The following PSMA3 variants were observed in gnomAD, a reference collection of about 807,000 sequenced individuals.
PSMA3 encodes proteasome 20S subunit alpha 3, also known as proteasome subunit alpha type-3.
PSMA3 carries 8 observed loss-of-function variants against 40.0 expected under a neutral mutation model. The ratio of observed to expected loss-of-function variants is 0.20; its 90% CI spans 0.12 to 0.36. The LOEUF (loss-of-function observed/expected upper bound fraction) is 0.36. Ranked by LOEUF, PSMA3 falls within the 10% of genes least tolerant of loss-of-function variation. PSMA3 has a pLI of 1.00. For synonymous variants in PSMA3, 110 were observed against 100.0 expected (o/e 1.10, Z -0.59); for missense variants, 219 against 310.6 (o/e 0.70, Z 2.22).
chr14:58,257,426 A>T (rs1890169917), intron 3 of PSMA3, among the ~76,000 whole-genome samples: 1 of 152,020 alleles, frequency 6.6e-6, no homozygotes, highest in African/African-American at 2.4e-5. Flanking sequence ...TGAACCCAGG[A>T]GGCAGAGTGT....
At chr14:58,261,716 TCCTA>T (rs1266080959) in intron 6 of PSMA3, among the ~76,000 whole-genome samples, 2 of 151,998 alleles carry the variant, frequency 1.3e-5, no homozygotes, top group Non-Finnish European at 2.9e-5. Flanking sequence ...CAGGCGATCC[TCCTA>T]CCTAAGCCTC....
At chr14:58,268,913 T>C (rs1416878317) in intron 8 of PSMA3, 2 of 152,174 alleles carry the variant, frequency 1.3e-5, no homozygotes, top group East Asian at 3.9e-4. Context: ...GATAAAGCTA[T>C]ACTCTGCTAC....
chr14:58,257,915 C>T lies in PSMA3; in HGVS notation c.331-10C>T, dbSNP rs1382079466. ...AGTTTATTAATAAGCTCTTCTGCTT[C>T]CCTCCATAGCATCTTGCAGACAGAG... On this transcript the variant is annotated splice_polypyrimidine_tract_variant and intron_variant, in intron 4 of 10. Coordinates refer to ENST00000216455, the MANE Select transcript of PSMA3 (RefSeq NM_002788.4). 1.2e-6 allele frequency: 2 copies of T among 1,613,316 alleles called. No homozygotes were observed. Among genetic ancestry groups the T allele is most frequent in the Non-Finnish European group, 8.5e-7 (1 of 1,179,314 alleles).
At chr14:58,267,641 G>A in intron 8 of PSMA3, 121 bp downstream of exon 8, 34 of 1,269,858 alleles carry the variant, frequency 2.7e-5, no homozygotes, top group South Asian at 1.1e-4. Flanking sequence ...ATTTTTAGAA[G>A]GTAAATTTAA....
Position 58,244,883 on chromosome 14 carries a change from G to A in PSMA3, c.-38G>A, listed in dbSNP as rs200837709. On this transcript the variant is annotated 5_prime_UTR_variant, in exon 1 of 11. Coordinates refer to ENST00000216455, the MANE Select transcript of PSMA3 (RefSeq NM_002788.4). ...CCTGTGGTATAGGGGAAGCGCTCCG[G>A]GCCTGGAATCCCTACGCGTCCCTTT... The A allele has an allele frequency of 1.5e-4, 246 of 1,614,196 alleles. No homozygotes were observed. Among genetic ancestry groups the A allele is most frequent in the South Asian group, 8.8e-5 (8 of 91,084 alleles).
In PSMA3 at chr14:58,261,031, T is replaced by C. The variant is rs201089749; in HGVS notation, c.477+11T>C. The C allele has an allele frequency of 9.5e-5, 148 of 1,561,130 alleles. No individual in the cohort carries two copies. Among genetic ancestry groups the C allele is most frequent in the Non-Finnish European group, 3.4e-5 (38 of 1,133,284 alleles). Reference sequence around the variant, plus strand: ...TCAGGTGTTTCATACGTGAGTAATTTTGAATCATTTGAAATTCTATTTTAG... The same window carrying C: ...TCAGGTGTTTCATACGTGAGTAATTCTGAATCATTTGAAATTCTATTTTAG... On this transcript the variant is annotated intron_variant, in intron 6 of 10. Transcript: ENST00000216455.
At chr14:58,247,590 C>T (rs1045384863) in intron 1 of PSMA3, among the ~76,000 whole-genome samples, 160 bp from the exon 2 acceptor site, 1 of 152,188 alleles carries the variant, frequency 6.6e-6, no homozygotes, top group African/African-American at 2.4e-5. Flanking sequence ...TTTATCTTAG[C>T]TACTGTTGCT....
chr14:58,271,954 A>G lies in PSMA3; in HGVS notation c.*59A>G. ...CTACTCCAGTCCAATGTAACTATTT[A>G]GCCCTGGATTATACATACTGTCCAA... On this transcript the variant is annotated 3_prime_UTR_variant, in exon 11 of 11. Coordinates refer to ENST00000216455, the MANE Select transcript of PSMA3 (RefSeq NM_002788.4). 7.8e-7 allele frequency: 1 copy of G among 1,283,762 alleles called. No individual in the cohort carries two copies. The highest frequency in any genetic ancestry group is 1.1e-6 in the Non-Finnish European group (1 of 888,796). 79.5% of individuals were successfully genotyped at this position (1,283,762 alleles called of 1,614,324 possible).
chr14:58,264,990 G>A (rs1890394203), intron 7 of PSMA3: 3 of 152,148 alleles, frequency 2.0e-5, no homozygotes, highest in Non-Finnish European at 2.9e-5. Flanking sequence ...GTCAGTTGAG[G>A]GGGATTACCC....
rs561937786 is a variant in PSMA3 at position 58,263,881 on chromosome 14, G to C, written c.543+111G>C. 1.8e-5 allele frequency: 16 copies of C among 909,114 alleles called. No homozygotes were observed. In the African/African-American group the frequency reaches 2.6e-4, roughly 15 times the overall value. 56.3% of individuals were successfully genotyped at this position (909,114 alleles called of 1,614,324 possible). On this transcript the variant is annotated intron_variant, in intron 7 of 10. Transcript: ENST00000216455. ...GGATGTCCAATCATTTGGCTTCCCT[G>C]GGCCACACATAAAATACACCAACAC...
At chr14:58,265,903 A>G (rs1890427899) in intron 7 of PSMA3, 1 of 152,156 alleles carries the variant, frequency 6.6e-6, no homozygotes. Context: ...CCACTTACAC[A>G]TCCCCCTCCC....
At chr14:58,268,454 A>C (rs1424556093) in intron 8 of PSMA3, among the ~76,000 whole-genome samples, 1 of 152,114 alleles carries the variant, frequency 6.6e-6, no homozygotes, top group Non-Finnish European at 1.5e-5. Flanking sequence ...TAACCGGTCC[A>C]TCATTACTGC....
At chr14:58,257,658 A>T (rs1890175618) in intron 3 of PSMA3, 87 bp from the exon 4 acceptor site, 2 of 1,236,330 alleles carry the variant, frequency 1.6e-6, no homozygotes, top group Non-Finnish European at 2.3e-6. Flanking sequence ...TACTTGTTAA[A>T]AAAATGTTTA....
chr14:58,245,028 C>G lies in PSMA3; in HGVS notation c.21+87C>G, dbSNP rs931576509. Reference sequence around the variant, plus strand: ...GACAGACCACATGGGGTTCGCGGACCCGGGGTGCTCTGAGACCGCCTTCGG... The same window carrying G: ...GACAGACCACATGGGGTTCGCGGACGCGGGGTGCTCTGAGACCGCCTTCGG... On this transcript the variant is annotated intron_variant, in intron 1 of 10. Coordinates refer to ENST00000216455, the MANE Select transcript of PSMA3 (RefSeq NM_002788.4). 9 of 1,581,518 alleles carry G rather than the reference C, an allele frequency of 5.7e-6. No homozygotes were observed. The African/African-American group carries it at 1.2e-4, about 21-fold the overall frequency.
At chr14:58,263,652 T>G in intron 6 of PSMA3, 53 bp from the exon 7 acceptor site, 1 of 1,387,208 alleles carries the variant, frequency 7.2e-7, no homozygotes, top group Non-Finnish European at 1.0e-6. Context: ...TAGTCATTAA[T>G]TACATATGAT....
At chr14:58,250,752 T>TA in intron 2 of PSMA3, among the ~76,000 whole-genome samples, 1 of 152,302 alleles carries the variant, frequency 6.6e-6, no homozygotes, top group Non-Finnish European at 1.5e-5. Context: ...GATCCCTTTT[T>TA]AGATTCTGAC....
intron 3 of PSMA3, among the ~76,000 whole-genome samples, chr14:58,256,175 G>A (rs779738009): frequency 4.6e-5 from 7 of 151,826 alleles, no homozygotes; most frequent in Non-Finnish European, 8.8e-5. Flanking sequence ...GTTCTAAGCC[G>A]CAAATCTTGA....
chr14:58,250,789 A>C (rs370393011), intron 2 of PSMA3, among the ~76,000 whole-genome samples: 2 of 152,214 alleles, frequency 1.3e-5, no homozygotes, highest in Non-Finnish European at 2.9e-5. Flanking sequence ...ACAGCTAGGA[A>C]TTAGGCTGGT....
At chr14:58,254,060 T>A (rs1566639123) in intron 3 of PSMA3, among the ~76,000 whole-genome samples, 1 of 151,798 alleles carries the variant, frequency 6.6e-6, no homozygotes, top group East Asian at 1.9e-4. Context: ...CCTCCCACCC[T>A]CCACCCTCAA....
Sources: allele counts gnomAD v4.1 joint callset (sites outside exome capture counted in the v4.1 genomes callset), GRCh38; gene constraint gnomAD v4.1.1; transcripts MANE v1.5; gene names NCBI Gene and HGNC (gene_info 2026-07-23, HGNC 2026-07-21).